The following PRDM16 variants were observed in gnomAD, a reference collection of about 807,000 sequenced individuals.
PRDM16 encodes histone-lysine N-methyltransferase PRDM16.
In PRDM16, 23 loss-of-function variants were observed where a neutral mutation model predicts 110.6. The ratio of observed to expected loss-of-function variants is 0.21; its 90% CI spans 0.15 to 0.29. The LOEUF (loss-of-function observed/expected upper bound fraction) is 0.29, where lower values mean the gene tolerates loss of function less well. Ranked by LOEUF, PRDM16 falls within the 10% of genes least tolerant of loss-of-function variation. PRDM16 has a pLI of 1.00. For missense variants in PRDM16, 1,615 were observed against 1,794.3 expected, an observed-to-expected ratio of 0.90 and a Z score of 1.81; for synonymous variants, 799 against 781.8, an observed-to-expected ratio of 1.02 and a Z score of -0.37.
At chr1:3,215,433 C>A (rs1304836951) in intron 2 of PRDM16, among the ~76,000 whole-genome samples, 1 of 151,820 alleles carries the variant, frequency 6.6e-6, no homozygotes, top group Non-Finnish European at 1.5e-5. Flanking sequence ...CTATTGGGGT[C>A]CAGGAGAACA....
chr1:3,070,028 G>A lies in PRDM16; in HGVS notation c.37+732G>A, dbSNP rs367906887. Among the ~76,000 whole-genome samples the A allele has an allele frequency of 2.4e-4, 37 of 152,032 alleles. No individual in the cohort carries two copies. In the East Asian group the frequency reaches 2.5e-3, roughly 10 times the overall value. On this transcript the variant is annotated intron_variant, in intron 1 of 16. Coordinates refer to ENST00000270722, the MANE Select transcript of PRDM16 (RefSeq NM_022114.4). ...GTGGTGGAGGGCGCTCCTCTGGGAC[G>A]CCGGCAGCCTGCGCGGGCCGCCGGG...
chr1:3,354,459 CAAAAA>C (rs59791059), intron 3 of PRDM16, among the ~76,000 whole-genome samples: 3 of 113,252 alleles, frequency 2.6e-5, no homozygotes, highest in Non-Finnish European at 3.6e-5. Context: ...GACTCTGCCT[CAAAAA>C]AAAAAAAAAA....
In PRDM16 at chr1:3,175,402, C is replaced by T. The variant is rs34384830; in HGVS notation, c.38-10723C>T. On this transcript the variant is annotated intron_variant, in intron 1 of 16. Coordinates refer to ENST00000270722, the MANE Select transcript of PRDM16 (RefSeq NM_022114.4). This position sits in a 1 kb window ranked among gnomAD's most constrained non-coding sequence, Gnocchi z 4.8. The stretch of plus-strand genomic sequence containing the variant: ...TGCCTCCGTGCGTGCCTGCTCTCCC[C>T]GATCAGCTCTCCCACAACCACAGCC... Among the ~76,000 whole-genome samples the T allele has an allele frequency of 0.052, 7,869 of 152,210 alleles. 224 individuals are homozygous for T. Among genetic ancestry groups the T allele is most frequent in the Admixed American group, 0.072 (1,096 of 15,296 alleles).
intron 3 of PRDM16, among the ~76,000 whole-genome samples, chr1:3,310,973 ATGTGTGTG>A (rs1641441720): frequency 6.6e-6 from 1 of 151,570 alleles, no homozygotes. Context: ...GTGTGTAGGC[ATGTGTGTG>A]CGTGTGTGCG....
At chr1:3,268,207 G>A (rs959421930) in intron 3 of PRDM16, among the ~76,000 whole-genome samples, 17 of 151,894 alleles carry the variant, frequency 1.1e-4, no homozygotes, top group African/African-American at 3.6e-4. Context: ...CCCCCGGCTC[G>A]GCGCGCGTCA....
At chr1:3,409,931 A>C (rs201310343) in intron 8 of PRDM16, among the ~76,000 whole-genome samples, 1 of 77,158 alleles carries the variant, frequency 1.3e-5, no homozygotes, top group African/African-American at 5.4e-5. Flanking sequence ...GTGTATGTGC[A>C]TGTGTGTGGT....
At chr1:3,394,635 G>A in intron 4 of PRDM16, 1 of 331,614 alleles carries the variant, frequency 3.0e-6, no homozygotes, top group South Asian at 2.1e-5. Flanking sequence ...CCCGGGCCAG[G>A]CCACCTGCCC....
chr1:3,184,428 G>A (rs757089893), intron 1 of PRDM16, among the ~76,000 whole-genome samples: 2 of 152,172 alleles, frequency 1.3e-5, no homozygotes, highest in East Asian at 1.9e-4. Context: ...CAGCAGGACC[G>A]GGGTCCAGTC....
chr1:3,352,018 T>C (rs988767378), intron 3 of PRDM16, among the ~76,000 whole-genome samples: 10 of 151,968 alleles, frequency 6.6e-5, no homozygotes, highest in Non-Finnish European at 1.5e-4. Context: ...CCACACACTT[T>C]ACCTCCAGAG....
At chr1:3,186,079 G>A (rs1280833361) in intron 1 of PRDM16, 46 bp from the exon 2 acceptor site, 3 of 1,506,476 alleles carry the variant, frequency 2.0e-6, no homozygotes, top group Non-Finnish European at 2.8e-6. Flanking sequence ...GTACACACTG[G>A]GTGGGGCACG....
At position 3,080,393 on chromosome 1, in the gene PRDM16, G is replaced by C. The variant is rs1164019519; in HGVS notation, c.37+11097G>C. ...GATTTACGGCCGACCCGCGCTTTCC[G>C]ATCGGTTTCTCTACCCCGGCCCATC... On this transcript the variant is annotated intron_variant, in intron 1 of 16. Coordinates refer to ENST00000270722, the MANE Select transcript of PRDM16 (RefSeq NM_022114.4). This position sits in a 1 kb window ranked among gnomAD's most constrained non-coding sequence, Gnocchi z 5.2. 2.0e-5 allele frequency among the ~76,000 whole-genome samples: 3 copies of C among 152,268 alleles called. No homozygotes were observed. The highest frequency in any genetic ancestry group is 1.9e-4 in the East Asian group (1 of 5,166).
At chr1:3,269,285 G>A (rs1048366076) in intron 3 of PRDM16, among the ~76,000 whole-genome samples, 9 of 150,714 alleles carry the variant, frequency 6.0e-5, no homozygotes, top group Non-Finnish European at 7.4e-5. Flanking sequence ...GGGGAGAAGC[G>A]CAGCCCAGAG....
chr1:3,389,658 G>A (rs1294138747), intron 4 of PRDM16, among the ~76,000 whole-genome samples: 4 of 152,218 alleles, frequency 2.6e-5, no homozygotes, highest in Non-Finnish European at 1.5e-5. Flanking sequence ...TGCACAAGGA[G>A]GCCCCAGATC....
chr1:3,402,700 C>T (rs978901656), intron 5 of PRDM16, 91 bp from the exon 6 acceptor site: 36 of 1,164,148 alleles, frequency 3.1e-5, no homozygotes, highest in Middle Eastern at 2.0e-4. Context: ...CCTGAGGCAC[C>T]GTGGTGAGGG....
At chr1:3,112,617 C>T (rs576173973) in intron 1 of PRDM16, among the ~76,000 whole-genome samples, 28 of 152,326 alleles carry the variant, frequency 1.8e-4, no homozygotes, top group African/African-American at 6.0e-4. Context: ...GTGGAGGGAG[C>T]GTCTGTGGAG....
chr1:3,266,824 C>T (rs1239661322), intron 3 of PRDM16, among the ~76,000 whole-genome samples: 3 of 152,088 alleles, frequency 2.0e-5, no homozygotes, highest in Non-Finnish European at 2.9e-5. Flanking sequence ...TACAGGCAAC[C>T]GCCCCCACGC....
intron 2 of PRDM16, among the ~76,000 whole-genome samples, chr1:3,210,359 GC>G (rs1017663389): frequency 6.6e-6 from 1 of 152,210 alleles, no homozygotes; most frequent in African/African-American, 2.4e-5. Context: ...GGAAACCAAG[GC>G]CCTGGAAGGC....
At chr1:3,333,356 C>T (rs915027235) in intron 3 of PRDM16, among the ~76,000 whole-genome samples, 7 of 152,132 alleles carry the variant, frequency 4.6e-5, no homozygotes, top group Admixed American at 6.5e-5. Context: ...GGCCACTTCC[C>T]ACAACGGGGA....
intron 1 of PRDM16, among the ~76,000 whole-genome samples, chr1:3,091,855 C>G (rs895917115): frequency 4.6e-5 from 7 of 152,190 alleles, no homozygotes; most frequent in African/African-American, 1.7e-4. Context: ...AGGGCCTGTC[C>G]CCAGAGGGCC....
Sources: allele counts gnomAD v4.1 joint callset (sites outside exome capture counted in the v4.1 genomes callset), GRCh38; gene constraint gnomAD v4.1.1; non-coding constraint Gnocchi (gnomAD v3.1); transcripts MANE v1.5; gene names NCBI Gene and HGNC (gene_info 2026-07-23, HGNC 2026-07-21).